JAKMIP3: variants seen among roughly 807,000 people sequenced by gnomAD.
JAKMIP3 encodes janus kinase and microtubule-interacting protein 3.
A neutral mutation model predicts 118.5 loss-of-function variants in JAKMIP3; 58 were observed. That is an observed-to-expected ratio of 0.49 (90% CI 0.40 to 0.61). The LOEUF (loss-of-function observed/expected upper bound fraction) is 0.61, where lower values mean the gene tolerates loss of function less well. Among genes scored for constraint, JAKMIP3 ranks in the 20% least tolerant of loss-of-function variants. JAKMIP3 has a pLI of 0.00. For synonymous variants in JAKMIP3, 486 were observed against 451.2 expected (o/e 1.08, Z -0.98); for missense variants, 950 against 1,109.0 (o/e 0.86, Z 2.04).
intron 1 of JAKMIP3, among the ~76,000 whole-genome samples, chr10:132,070,590 A>G (rs959891052): frequency 2.0e-5 from 3 of 152,134 alleles, no homozygotes; most frequent in Non-Finnish European, 2.9e-5. Flanking sequence ...TTTTATGTAG[A>G]TGCGTTTGTC....
chr10:132,130,465 G>A (rs938095107), intron 3 of JAKMIP3, among the ~76,000 whole-genome samples: 1 of 152,254 alleles, frequency 6.6e-6, no homozygotes, highest in African/African-American at 2.4e-5. Context: ...GAGTTGATGC[G>A]GAGGGAGGGC....
chr10:132,178,974 G>C (rs1037033649), intron 23 of JAKMIP3, among the ~76,000 whole-genome samples: 5 of 152,222 alleles, frequency 3.3e-5, no homozygotes, highest in Admixed American at 2.6e-4. Flanking sequence ...GTATTGATGA[G>C]GGTTCTGCCC....
Position 132,133,439 on chromosome 10 carries a change from G to A in JAKMIP3, c.761G>A (p.Arg254Gln), listed in dbSNP as rs767032145. Residue 254 changes from arginine to glutamine, a missense_variant, in exon 4 of 24, where the codon CGA becomes CAA. Arg to Gln is a conservative substitution (Grantham distance 43). Coordinates refer to ENST00000684848, the MANE Select transcript of JAKMIP3 (RefSeq NM_001323087.2). ...EALDEQLSQV[R>Q]EADRHPGSPR... ...CTAGATGAGCAGCTGTCCCAGGTCC[G>A]AGAGGCCGACCGGCACCCGGGCAGC... 1.3e-5 allele frequency: 20 copies of A among 1,589,702 alleles called. No homozygotes were observed. Among genetic ancestry groups the A allele is most frequent in the South Asian group, 8.0e-5 (7 of 87,024 alleles).
chr10:132,174,602 G>A (rs2059982314), intron 23 of JAKMIP3, among the ~76,000 whole-genome samples: 1 of 152,204 alleles, frequency 6.6e-6, no homozygotes, highest in African/African-American at 2.4e-5. Context: ...TTTCACGAAA[G>A]CAAGTCTTCT....
intron 1 of JAKMIP3, among the ~76,000 whole-genome samples, chr10:132,053,413 T>C (rs1414232628): frequency 1.3e-5 from 2 of 152,194 alleles, no homozygotes; most frequent in African/African-American, 2.4e-5. Flanking sequence ...AAAGCAGACA[T>C]GGTCTTTGTC....
At position 132,180,664 on chromosome 10, in the gene JAKMIP3, T is replaced by C. The variant is rs1473078714; in HGVS notation, c.*1104-1693T>C. 7.6e-3 allele frequency among the ~76,000 whole-genome samples: 242 copies of C among 31,642 alleles called. 25 individuals carry two copies. Among genetic ancestry groups the C allele is most frequent in the African/African-American group, 0.029 (154 of 5,380 alleles). The allele number at this position is 31,642 out of a possible 152,430, so 20.8% of individuals were successfully genotyped here. ...GTGTGTGCGTGTGCGTGTGCGTGTG[T>C]GCGTGTGTGTGCGCGCGCGTGTGTG... On this transcript the variant is annotated intron_variant, in intron 23 of 23. Transcript: ENST00000684848.
rs2135208718 is a variant in JAKMIP3, at chr10:132,112,530, T to C, written c.136-4547T>C. ...TGGTTCCTTATTTTGTTCAATTGTATTCTTTTCTTCAGTGTTTTTGTCTAC... is the reference window on the plus strand; with the variant it reads ...TGGTTCCTTATTTTGTTCAATTGTACTCTTTTCTTCAGTGTTTTTGTCTAC... On this transcript the variant is annotated intron_variant, in intron 2 of 23. Transcript: ENST00000684848. The surrounding 1 kb of genome is among the most constrained non-coding windows in gnomAD (Gnocchi z 4.3). Among the ~76,000 whole-genome samples, 1 of 152,346 alleles carries C rather than the reference T, an allele frequency of 6.6e-6. No homozygotes were observed. Among genetic ancestry groups the C allele is most frequent in the Non-Finnish European group, 1.5e-5 (1 of 68,022 alleles).
chr10:132,042,554 G>A (rs2037795647), intron 1 of JAKMIP3, among the ~76,000 whole-genome samples: 1 of 152,134 alleles, frequency 6.6e-6, no homozygotes. Flanking sequence ...GGCCACCCTG[G>A]ATCACCTGGA....
chr10:132,122,202 C>T (rs569156118), intron 3 of JAKMIP3, among the ~76,000 whole-genome samples: 9 of 151,648 alleles, frequency 5.9e-5, no homozygotes, highest in East Asian at 3.9e-4. Flanking sequence ...CCCCGGCTGT[C>T]GGGGCCCTGA....
chr10:132,168,276 G>C lies in JAKMIP3; in HGVS notation c.*346G>C, dbSNP rs1308066047. ...GTAGCATTCCCTGCCAAGCAGGGGT[G>C]AGAACTGCTTCTGTGCAGAAGCACC... On this transcript the variant is annotated 3_prime_UTR_variant, in exon 23 of 24. Coordinates refer to ENST00000684848, the MANE Select transcript of JAKMIP3 (RefSeq NM_001323087.2). The C allele has an allele frequency of 3.9e-6, 5 of 1,289,458 alleles. No homozygotes were observed. The highest frequency in any genetic ancestry group is 5.1e-6 in the Non-Finnish European group (5 of 988,784). The allele number at this position is 1,289,458 out of a possible 1,614,324, so 79.9% of individuals were successfully genotyped here. A position where few individuals can be genotyped will look rare whatever the true frequency, so the allele number is the denominator to read the frequency against.
chr10:132,103,887 C>T (rs558598517), intron 1 of JAKMIP3, among the ~76,000 whole-genome samples: 1 of 152,278 alleles, frequency 6.6e-6, no homozygotes, highest in African/African-American at 2.4e-5. Context: ...GCTCCCATTG[C>T]CTCTCCTGCC....
chr10:132,071,160 A>AGTGT (rs3068079), intron 1 of JAKMIP3, among the ~76,000 whole-genome samples: 32,329 of 148,886 alleles, frequency 0.22, 3,712 homozygotes, highest in Admixed American at 0.36. Flanking sequence ...GTCATTTAAA[A>AGTGT]GTGTGTGTGT....
At chr10:132,068,980 G>A (rs1284844857) in intron 1 of JAKMIP3, among the ~76,000 whole-genome samples, 2 of 152,194 alleles carry the variant, frequency 1.3e-5, no homozygotes, top group African/African-American at 4.8e-5. Context: ...GACTGGATCA[G>A]GAGGATTTGC....
chr10:132,052,917 A>G (rs1317194747), intron 1 of JAKMIP3, among the ~76,000 whole-genome samples: 1 of 152,262 alleles, frequency 6.6e-6, no homozygotes, highest in Admixed American at 6.5e-5. Context: ...GTCTAGTTTT[A>G]AAAATAGAAT....
Position 132,058,106 on chromosome 10 carries a change from G to A in JAKMIP3, c.-138+21368G>A, listed in dbSNP as rs927918560. ...GGTGTTTGGGGCTGCTTGGTGGTGGGAATGAGTCTCAGATCCTGTGAGAGC... is the reference window on the plus strand; with the variant it reads ...GGTGTTTGGGGCTGCTTGGTGGTGGAAATGAGTCTCAGATCCTGTGAGAGC... On this transcript the variant is annotated intron_variant, in intron 1 of 23. Transcript: ENST00000657785. 2.0e-5 allele frequency among the ~76,000 whole-genome samples: 3 copies of A among 152,204 alleles called. No homozygotes were observed. In the South Asian group the frequency reaches 6.2e-4, roughly 31 times the overall value.
At chr10:132,061,542 A>C (rs1025927704), upstream of JAKMIP3, among the ~76,000 whole-genome samples, 3 of 152,252 alleles carry the variant, frequency 2.0e-5, no homozygotes, top group Admixed American at 6.5e-5. Context: ...TGATATAAAA[A>C]GGCCAAATTT....
Position 132,180,526 on chromosome 10 carries a change from T to TGTGTGTGTGTGTGTGTGTGTGTGTGC in JAKMIP3, c.*1104-1812_*1104-1811insTGTGTGCGTGTGTGTGTGTGTGTGTG. Among the ~76,000 whole-genome samples, 3 of 34,000 alleles carry TGTGTGTGTGTGTGTGTGTGTGTGTGC rather than the reference T, an allele frequency of 8.8e-5. 1 individual carries two copies. The highest frequency in any genetic ancestry group is 6.8e-4 in the African/African-American group (3 of 4,442). The allele number at this position is 34,000 out of a possible 152,430, so 22.3% of individuals were successfully genotyped here. A position where few individuals can be genotyped will look rare whatever the true frequency, so the allele number is the denominator to read the frequency against. On this transcript the variant is annotated intron_variant, in intron 23 of 23. Coordinates refer to ENST00000684848, the MANE Select transcript of JAKMIP3 (RefSeq NM_001323087.2). ...GACTGCAAACCTGGAAGCAGAACTG[T>TGTGTGTGTGTGTGTGTGTGTGTGTGC]GTGTGTGTGTGTGTGTGTGCGTGCG...
upstream of JAKMIP3, among the ~76,000 whole-genome samples, chr10:132,062,020 G>A (rs9419335): frequency 0.081 from 12,253 of 152,076 alleles, 598 homozygotes; most frequent in East Asian, 0.28. Flanking sequence ...TCAAAGCCAC[G>A]GGTGATGAGC....
At chr10:132,079,144 T>C (rs2041364460) in intron 1 of JAKMIP3, among the ~76,000 whole-genome samples, 1 of 110,688 alleles carries the variant, frequency 9.0e-6, no homozygotes, top group Non-Finnish European at 1.8e-5. Context: ...GCACCTGGCC[T>C]GGGAGCGGAC....
Sources: gnomAD v4.1 joint callset for allele counts (sites outside exome capture counted in the v4.1 genomes callset) on GRCh38, gnomAD v4.1.1 for gene constraint, Gnocchi (gnomAD v3.1) non-coding constraint, MANE v1.5 for transcripts, NCBI Gene and HGNC (gene_info 2026-07-23, HGNC 2026-07-21) for gene names.